The following ZNF143 variants were observed in gnomAD, a reference collection of about 807,000 sequenced individuals.
ZNF143 encodes SPH-binding factor.
In ZNF143, 49 loss-of-function variants were observed where a neutral mutation model predicts 74.1. The observed-to-expected ratio is 0.66, with a 90% CI of 0.53 to 0.84. The LOEUF (loss-of-function observed/expected upper bound fraction) is 0.84. Among genes scored for constraint, ZNF143 ranks in the 40% least tolerant of loss-of-function variants. The pLI, the probability that ZNF143 is intolerant of heterozygous loss-of-function variation, is 0.00. For synonymous variants in ZNF143, 304 were observed against 282.8 expected (o/e 1.07, Z -0.75); for missense variants, 637 against 793.4 (o/e 0.80, Z 2.37).
intron 14 of ZNF143, among the ~76,000 whole-genome samples, chr11:9,516,567 T>C (rs1409163525): frequency 6.6e-6 from 1 of 152,192 alleles, no homozygotes; most frequent in Non-Finnish European, 1.5e-5. Context: ...AAGGTTGATA[T>C]AAGGATTGAA....
rs1848147876 is a variant in ZNF143 at position 9,501,288 on chromosome 11, T to C, written c.1147+18T>C. 1.2e-6 allele frequency: 2 copies of C among 1,608,936 alleles called. No homozygotes were observed. The highest frequency in any genetic ancestry group is 1.7e-6 in the Non-Finnish European group (2 of 1,177,166). ...ACACACAGGTAACAATCTCTGATCT[T>C]TTGGTCTTTTATCTTTCAAGGCTCA... On this transcript the variant is annotated intron_variant, in intron 11 of 15. Coordinates refer to ENST00000396602, the MANE Select transcript of ZNF143 (RefSeq NM_003442.6).
At chr11:9,478,183 C>G (rs1847093008) in intron 5 of ZNF143, among the ~76,000 whole-genome samples, 1 of 152,180 alleles carries the variant, frequency 6.6e-6, no homozygotes, top group Non-Finnish European at 1.5e-5. Context: ...TTCTCCAAAC[C>G]TGAGTTCCCA....
intron 4 of ZNF143, 46 bp downstream of exon 4, chr11:9,474,070 C>A: frequency 1.3e-6 from 2 of 1,487,850 alleles, no homozygotes; most frequent in Non-Finnish European, 1.9e-6. Context: ...TAATTCTCAG[C>A]TTTTAGTATT....
chr11:9,461,867 T>G (rs1336736417), intron 1 of ZNF143: 1 of 152,206 alleles, frequency 6.6e-6, no homozygotes, highest in African/African-American at 2.4e-5. Context: ...AGAATACCAT[T>G]GCCAGCCCAT....
chr11:9,486,153 T>C (rs1305577054), intron 7 of ZNF143, among the ~76,000 whole-genome samples: 2 of 148,318 alleles, frequency 1.3e-5, no homozygotes, highest in Admixed American at 6.9e-5. Context: ...TGGATAGCCA[T>C]GGGGGCCAAT....
Position 9,474,597 on chromosome 11 carries a change from G to T in ZNF143, c.337G>T (p.Asp113Tyr). Residue 113 changes from aspartate to tyrosine, a missense_variant, in exon 5 of 16, where the codon GAT becomes TAT. Coordinates refer to ENST00000396602, the MANE Select transcript of ZNF143 (RefSeq NM_003442.6). ...LEDGQAVQLEDGTTAFIHHTS... is the reference protein window; with the variant it reads ...LEDGQAVQLEYGTTAFIHHTS... Reference sequence around the variant, plus strand: ...GGATGGTCAAGCAGTACAGTTAGAAGATGGTACCACAGCATTTATTCACCA... The same window carrying T: ...GGATGGTCAAGCAGTACAGTTAGAATATGGTACCACAGCATTTATTCACCA... 1 of 1,614,154 alleles carries T rather than the reference G, an allele frequency of 6.2e-7. No homozygotes were observed. The highest frequency in any genetic ancestry group is 8.5e-7 in the Non-Finnish European group (1 of 1,180,020).
chr11:9,473,264 G>T (rs1856689961), intron 3 of ZNF143, among the ~76,000 whole-genome samples: 1 of 151,928 alleles, frequency 6.6e-6, no homozygotes, highest in South Asian at 2.1e-4. Context: ...GGTGGCGCAT[G>T]CCTGTAATCC....
intron 8 of ZNF143, among the ~76,000 whole-genome samples, chr11:9,495,280 A>G (rs952624738): frequency 2.6e-5 from 4 of 152,110 alleles, no homozygotes; most frequent in African/African-American, 9.7e-5. Flanking sequence ...CCTTTCTACT[A>G]AAAATACAAA....
chr11:9,482,250 G>A (rs1163594028), intron 7 of ZNF143, among the ~76,000 whole-genome samples: 3 of 143,908 alleles, frequency 2.1e-5, no homozygotes, highest in South Asian at 2.2e-4. Context: ...GATTACAGGC[G>A]TGAGCTACTG....
At chr11:9,491,761 C>T (rs1847788498) in intron 7 of ZNF143, among the ~76,000 whole-genome samples, 1 of 152,128 alleles carries the variant, frequency 6.6e-6, no homozygotes, top group South Asian at 2.1e-4. Context: ...CTCTGAGTAG[C>T]TGGAACTACA....
At chr11:9,523,700 C>T (rs1256855892) in intron 14 of ZNF143, among the ~76,000 whole-genome samples, 1 of 149,460 alleles carries the variant, frequency 6.7e-6, no homozygotes, top group Non-Finnish European at 1.5e-5. Flanking sequence ...CGCCACTGCA[C>T]TCCAGCCTGG....
chr11:9,471,528 A>G, intron 2 of ZNF143, 108 bp downstream of exon 2: 1 of 728,438 alleles, frequency 1.4e-6, no homozygotes, highest in Non-Finnish European at 2.1e-6. Context: ...ATATAAACCT[A>G]GGTCTTTTTA....
At chr11:9,477,514 C>G (rs1161387329) in intron 5 of ZNF143, among the ~76,000 whole-genome samples, 1 of 152,112 alleles carries the variant, frequency 6.6e-6, no homozygotes, top group African/African-American at 2.4e-5. Flanking sequence ...CTTGGCCTCC[C>G]AAAGTGTTGG....
At position 9,471,318 on chromosome 11, in the gene ZNF143, G is replaced by T; in HGVS notation, c.10G>T (p.Ala4Ser). 1 of 1,610,476 alleles carries T rather than the reference G, an allele frequency of 6.2e-7. No individual in the cohort carries two copies. Among genetic ancestry groups the T allele is most frequent in the Non-Finnish European group, 8.5e-7 (1 of 1,178,860 alleles). MLL[A>S]QINRDSQGMT... ...TTCTTCAAGGTAGAAGATGTTGTTA[G>T]CCCAAATAAATCGAGATTCTCAGGG... Residue 4 changes from alanine (A) to serine (S), a missense_variant, in exon 2 of 16, where the codon GCC (alanine) becomes TCC (serine). Physicochemically the swap from Ala to Ser is moderately conservative, Grantham distance 99. Coordinates refer to ENST00000396602, the MANE Select transcript of ZNF143 (RefSeq NM_003442.6).
chr11:9,468,395 G>C (rs1383036740), intron 1 of ZNF143, among the ~76,000 whole-genome samples: 2 of 152,122 alleles, frequency 1.3e-5, no homozygotes, highest in Non-Finnish European at 2.9e-5. Flanking sequence ...TCCTATCTCT[G>C]TTGTCACTTC....
chr11:9,527,666 C>T lies in ZNF143; in HGVS notation c.*53C>T. 1 of 1,553,914 alleles carries T rather than the reference C, an allele frequency of 6.4e-7. No homozygotes were observed. The highest frequency in any genetic ancestry group is 8.9e-7 in the Non-Finnish European group (1 of 1,127,394). On this transcript the variant is annotated 3_prime_UTR_variant, in exon 16 of 16. Transcript: ENST00000396602. The stretch of plus-strand genomic sequence containing the variant: ...GAAGGAGTCTTTCATCTTCTGGCAG[C>T]AGAAATCCATGAAGCCCGGGCCCAG...
At chr11:9,472,945 G>C (rs1470294326) in intron 3 of ZNF143, among the ~76,000 whole-genome samples, 176 bp downstream of exon 3, 1 of 144,446 alleles carries the variant, frequency 6.9e-6, no homozygotes, top group Non-Finnish European at 1.5e-5. Flanking sequence ...ATTTGGAATA[G>C]TCCTTTGAGA....
At chr11:9,463,990 CAT>C (rs746394276) in intron 1 of ZNF143, 2 of 151,938 alleles carry the variant, frequency 1.3e-5, no homozygotes, top group Non-Finnish European at 2.9e-5. Flanking sequence ...TCCCACTTAC[CAT>C]ATATCTTGGA....
chr11:9,485,497 ACC>A (rs1847438290), intron 7 of ZNF143, among the ~76,000 whole-genome samples: 1 of 151,114 alleles, frequency 6.6e-6, no homozygotes, highest in Non-Finnish European at 1.5e-5. Flanking sequence ...ACAGGCTTAT[ACC>A]ACCATGCCCA....
Sources: allele counts gnomAD v4.1 joint callset (sites outside exome capture counted in the v4.1 genomes callset), GRCh38; gene constraint gnomAD v4.1.1; transcripts MANE v1.5; gene names NCBI Gene and HGNC (gene_info 2026-07-23, HGNC 2026-07-21).